The following DNAH14 variants were observed in gnomAD, a reference collection of about 807,000 sequenced individuals.
DNAH14 encodes axonemal beta dynein heavy chain 14.
In DNAH14, 478 loss-of-function variants were observed where a neutral mutation model predicts 520.9. The observed-to-expected ratio is 0.92, with a 90% CI of 0.85 to 0.99. The LOEUF (loss-of-function observed/expected upper bound fraction) is 0.99, where lower values mean the gene tolerates loss of function less well. Among genes scored for constraint, DNAH14 ranks in the 50% least tolerant of loss-of-function variants. The pLI is 0.00. For synonymous variants in DNAH14, 1,581 were observed against 1,757.2 expected, an observed-to-expected ratio of 0.90 and a Z score of 2.51; for missense variants, 4,831 against 5,234.5, an observed-to-expected ratio of 0.92 and a Z score of 2.38.
At chr1:225,303,488 A>G in intron 57 of DNAH14, 141 bp downstream of exon 57, 1 of 683,530 alleles carries the variant, frequency 1.5e-6, no homozygotes, top group South Asian at 2.2e-5. Flanking sequence ...AGTGTTTACA[A>G]TGACTCCCTA....
intron 4 of DNAH14, among the ~76,000 whole-genome samples, chr1:224,963,549 G>A (rs2060972827): frequency 6.6e-6 from 1 of 151,858 alleles, no homozygotes; most frequent in Admixed American, 6.6e-5. Context: ...TATTAGATTG[G>A]CTTATATACA....
chr1:225,233,623 C>A (rs1357003161), intron 42 of DNAH14, among the ~76,000 whole-genome samples: 1 of 151,876 alleles, frequency 6.6e-6, no homozygotes, highest in Non-Finnish European at 1.5e-5. Context: ...TGTCTTTTGC[C>A]CATTTTTTAA....
intron 49 of DNAH14, among the ~76,000 whole-genome samples, chr1:225,267,864 G>T (rs2093175461): frequency 6.6e-6 from 1 of 151,808 alleles, no homozygotes; most frequent in Non-Finnish European, 1.5e-5. Flanking sequence ...TCAAGCCAAG[G>T]CAGAGGGGAA....
Position 225,399,202 on chromosome 1 carries a change from C to T in DNAH14, c.13787C>T (p.Thr4596Met), listed in dbSNP as rs1010827282. 42 of 1,551,542 alleles carry T rather than the reference C, an allele frequency of 2.7e-5. No homozygotes were observed. The highest frequency in any genetic ancestry group is 1.5e-4 in the East Asian group (6 of 40,928). Residue 4596 changes from threonine to methionine, a missense_variant, in exon 86 of 86, where the codon ACG (threonine) becomes ATG (methionine). Physicochemically the swap from Thr to Met is moderately conservative, Grantham distance 81. Transcript: ENST00000682510. ...TTTTTAACATCAGTGTATTTATCAACGAAGAAACCTCCTAGTCACTGGATC... is the reference window on the plus strand; with the variant it reads ...TTTTTAACATCAGTGTATTTATCAATGAAGAAACCTCCTAGTCACTGGATC... ...TNFLTSVYLS[T>M]KKPPSHWITM...
chr1:225,107,005 G>T (rs1040411671), intron 23 of DNAH14, among the ~76,000 whole-genome samples: 1 of 152,092 alleles, frequency 6.6e-6, no homozygotes, highest in Non-Finnish European at 1.5e-5. Context: ...TATCTTTGTG[G>T]TTTTATCTAC....
intron 55 of DNAH14, among the ~76,000 whole-genome samples, chr1:225,291,862 T>C (rs2093899821): frequency 1.3e-5 from 2 of 152,188 alleles, no homozygotes; most frequent in East Asian, 1.9e-4. Context: ...TGGCCATTTG[T>C]ATGTCTTCTT....
At chr1:225,365,740 A>G (rs1025879835) in intron 76 of DNAH14, among the ~76,000 whole-genome samples, 2 of 151,760 alleles carry the variant, frequency 1.3e-5, no homozygotes, top group African/African-American at 2.4e-5. Context: ...CCATGCTCTC[A>G]GACAGCCTTT....
intron 37 of DNAH14, among the ~76,000 whole-genome samples, chr1:225,190,759 C>G (rs1021629783): frequency 1.3e-5 from 2 of 151,958 alleles, no homozygotes; most frequent in African/African-American, 2.4e-5. Flanking sequence ...ATCAGCAAGT[C>G]AAGGATTGAG....
chr1:225,013,437 C>T (rs777118242), intron 10 of DNAH14, among the ~76,000 whole-genome samples: 9 of 152,130 alleles, frequency 5.9e-5, no homozygotes, highest in Non-Finnish European at 8.8e-5. Flanking sequence ...TCAGGAGGCA[C>T]GGGGGTCAGG....
At chr1:224,980,576 A>C (rs1194897497) in intron 8 of DNAH14, among the ~76,000 whole-genome samples, 1 of 152,202 alleles carries the variant, frequency 6.6e-6, no homozygotes, top group Non-Finnish European at 1.5e-5. Context: ...TAAGGGAAGG[A>C]TGCAAGCCTG....
chr1:224,947,910 A>C (rs1296992636), intron 1 of DNAH14, among the ~76,000 whole-genome samples: 17 of 152,092 alleles, frequency 1.1e-4, no homozygotes. Context: ...ATATGATGAT[A>C]AATCATTTCA....
chr1:225,332,869 A>G (rs927016669), intron 65 of DNAH14, among the ~76,000 whole-genome samples: 3 of 151,150 alleles, frequency 2.0e-5, no homozygotes, highest in African/African-American at 7.3e-5. Flanking sequence ...GCATGGTGGC[A>G]CATGCCTGTC....
intron 12 of DNAH14, among the ~76,000 whole-genome samples, chr1:225,041,596 A>AT (rs1157707500): frequency 4.6e-5 from 7 of 151,864 alleles, no homozygotes; most frequent in East Asian, 3.9e-4. Flanking sequence ...AAGCTTTCAG[A>AT]TTTTTTTTGT....
chr1:225,151,928 C>G, intron 31 of DNAH14, 77 bp from the exon 32 acceptor site: 1 of 1,221,708 alleles, frequency 8.2e-7, no homozygotes, highest in African/African-American at 1.5e-5. Context: ...AATAAAGCTT[C>G]CAAACTCACT....
rs1386305150 is a variant in DNAH14, at chr1:225,094,679, CAACA to C, written c.3574-2436_3574-2433del. 4.4e-4 allele frequency among the ~76,000 whole-genome samples: 25 copies of C among 57,062 alleles called. No individual in the cohort carries two copies. In the East Asian group the frequency reaches 6.7e-3, roughly 15 times the overall value. 37.4% of individuals were successfully genotyped at this position (57,062 alleles called of 152,430 possible). A position where few individuals can be genotyped will look rare whatever the true frequency, so the allele number is the denominator to read the frequency against. On this transcript the variant is annotated intron_variant, in intron 21 of 85. Transcript: ENST00000682510. ...AGCAAAAAAAAAAAAAAAAAAAAAA[CAACA>C]AAACAAACAAACAAAAAAACGCTAT...
At position 225,352,443 on chromosome 1, in the gene DNAH14, C is replaced by T. The variant is rs530176446; in HGVS notation, c.11533+560C>T. Among the ~76,000 whole-genome samples, 7 of 152,174 alleles carry T rather than the reference C, an allele frequency of 4.6e-5. No individual in the cohort carries two copies. The South Asian group carries it at 1.5e-3, about 32-fold the overall frequency. On this transcript the variant is annotated intron_variant, in intron 72 of 85. Transcript: ENST00000682510. ...TTATATTATGCAATAACATAAACATCCTTATACATTTTTCCTTTGCTTTTA... is the reference window on the plus strand; with the variant it reads ...TTATATTATGCAATAACATAAACATTCTTATACATTTTTCCTTTGCTTTTA...
rs1558770975 is a variant in DNAH14 at position 225,043,777 on chromosome 1, A to G, written c.1802A>G (p.Tyr601Cys). ...ATTGAGACTGAGTTTGAGAATAAAT[A>G]CATGTATTATGAGTAAGTATTAGAC... ...TEIETEFENK[Y>C]MYYEFPEFPT... The change falls in exon 14 of 86, where the codon TAC becomes TGC. Residue 601 changes from tyrosine to cysteine, a missense_variant. Physicochemically the swap from Tyr to Cys is radical, Grantham distance 194 (BLOSUM62 -2). Coordinates refer to ENST00000682510, the MANE Select transcript of DNAH14 (RefSeq NM_001367479.1). 1 of 1,468,706 alleles carries G rather than the reference A, an allele frequency of 6.8e-7. No homozygotes were observed. The highest frequency in any genetic ancestry group is 1.2e-5 in the South Asian group (1 of 81,360). 91.0% of individuals were successfully genotyped at this position (1,468,706 alleles called of 1,614,324 possible). A position where few individuals can be genotyped will look rare whatever the true frequency, so the allele number is the denominator to read the frequency against.
At chr1:225,235,794 C>T (rs540706474) in intron 42 of DNAH14, among the ~76,000 whole-genome samples, 25 of 152,044 alleles carry the variant, frequency 1.6e-4, no homozygotes, top group Non-Finnish European at 2.9e-4. Flanking sequence ...GGAATCTATC[C>T]ATTTCTTCTA....
At chr1:225,099,338 A>G (rs1017497529) in intron 22 of DNAH14, among the ~76,000 whole-genome samples, 2 of 152,204 alleles carry the variant, frequency 1.3e-5, no homozygotes, top group Non-Finnish European at 2.9e-5. Context: ...GCCTTTAATA[A>G]CAGGGCAAGG....
Sources: gnomAD v4.1 joint callset for allele counts (sites outside exome capture counted in the v4.1 genomes callset) on GRCh38, gnomAD v4.1.1 for gene constraint, MANE v1.5 for transcripts, NCBI Gene and HGNC (gene_info 2026-07-23, HGNC 2026-07-21) for gene names.